The following RRAGD variants were observed in gnomAD, a reference collection of about 807,000 sequenced individuals.
RRAGD encodes Ras related GTP binding D.
Under a neutral mutation model 35.5 loss-of-function variants are expected in RRAGD, and 12 were observed. That is an observed-to-expected ratio of 0.34 (90% CI 0.22 to 0.55). RRAGD has a LOEUF of 0.55. Among genes scored for constraint, RRAGD ranks in the 20% least tolerant of loss-of-function variants. The pLI is 0.91. For synonymous variants in RRAGD, 155 were observed against 178.9 expected, an observed-to-expected ratio of 0.87 and a Z score of 1.07; for missense variants, 324 against 490.1, an observed-to-expected ratio of 0.66 and a Z score of 3.20.
At chr6:89,387,155 G>T (rs1582513157) in intron 2 of RRAGD, 140 bp downstream of exon 2, 3 of 817,748 alleles carry the variant, frequency 3.7e-6, no homozygotes, top group South Asian at 1.8e-5. Context: ...TTTTAACTTT[G>T]GCAAAGTCTG....
At chr6:89,384,248 A>C (rs545711047) in intron 2 of RRAGD, among the ~76,000 whole-genome samples, 1 of 152,352 alleles carries the variant, frequency 6.6e-6, no homozygotes, top group South Asian at 2.1e-4. Context: ...CCAACAGAAA[A>C]GTATATTAGG....
chr6:89,385,898 C>G (rs1349184613), intron 2 of RRAGD, among the ~76,000 whole-genome samples: 3 of 152,214 alleles, frequency 2.0e-5, no homozygotes, highest in African/African-American at 7.2e-5. Flanking sequence ...ACGATCCTCT[C>G]AGGCATGGGG....
chr6:89,408,171 A>C (rs1193116725), intron 1 of RRAGD, among the ~76,000 whole-genome samples: 1 of 152,148 alleles, frequency 6.6e-6, no homozygotes, highest in Non-Finnish European at 1.5e-5. Flanking sequence ...GCAGAATTAC[A>C]AGAAAAGGGG....
rs59412936 is a variant in RRAGD at position 89,367,712 on chromosome 6, G to A, written c.*344C>T. On this transcript the variant is annotated 3_prime_UTR_variant, in exon 7 of 7. Coordinates refer to ENST00000369415, the MANE Select transcript of RRAGD (RefSeq NM_021244.5). Reference sequence around the variant, plus strand: ...TACAGAAAAAAAGCTTAGAAAAGTCGTTTTATCAAAGTTCAGTTCAATGAG... The same window carrying A: ...TACAGAAAAAAAGCTTAGAAAAGTCATTTTATCAAAGTTCAGTTCAATGAG... 0.024 allele frequency: 4,552 copies of A among 190,578 alleles called. 464 individuals carry two copies. In the East Asian group the frequency reaches 0.3, roughly 13 times the overall value. The allele number at this position is 190,578 out of a possible 1,614,324, so 11.8% of individuals were successfully genotyped here. A position where few individuals can be genotyped will look rare whatever the true frequency, so the allele number is the denominator to read the frequency against.
chr6:89,384,813 C>CAAA (rs34091216), intron 2 of RRAGD, among the ~76,000 whole-genome samples: 1 of 101,590 alleles, frequency 9.8e-6, no homozygotes, highest in Non-Finnish European at 2.1e-5. Context: ...GACTCCGTCT[C>CAAA]AAAAAAAAAA....
chr6:89,391,048 C>T (rs1443748259), intron 1 of RRAGD, among the ~76,000 whole-genome samples: 1 of 152,054 alleles, frequency 6.6e-6, no homozygotes, highest in Non-Finnish European at 1.5e-5. Context: ...GTAGAAACTG[C>T]CCAACACCCA....
At chr6:89,388,007 C>A (rs1203236464) in intron 1 of RRAGD, among the ~76,000 whole-genome samples, 6 of 152,136 alleles carry the variant, frequency 3.9e-5, no homozygotes, top group Non-Finnish European at 7.4e-5. Flanking sequence ...GAAGCCATCA[C>A]TAAAGAGATG....
chr6:89,383,020 T>C (rs1437400481), intron 2 of RRAGD, among the ~76,000 whole-genome samples: 1 of 152,224 alleles, frequency 6.6e-6, no homozygotes, highest in Non-Finnish European at 1.5e-5. Flanking sequence ...GTGACAGCAC[T>C]GCAGTGGTTG....
chr6:89,381,706 AGT>A (rs1227562664), intron 2 of RRAGD, among the ~76,000 whole-genome samples: 3 of 152,268 alleles, frequency 2.0e-5, no homozygotes, highest in Non-Finnish European at 4.4e-5. Context: ...TGTTATCTGT[AGT>A]ACATAACTAC....
At position 89,367,972 on chromosome 6, in the gene RRAGD, CCTT is replaced by C; in HGVS notation, c.*81_*83del. 2 of 1,256,874 alleles carry C rather than the reference CCTT, an allele frequency of 1.6e-6. No homozygotes were observed. Among genetic ancestry groups the C allele is most frequent in the Non-Finnish European group, 2.2e-6 (2 of 925,406 alleles). 77.9% of individuals were successfully genotyped at this position (1,256,874 alleles called of 1,614,324 possible). A position where few individuals can be genotyped will look rare whatever the true frequency, so the allele number is the denominator to read the frequency against. On this transcript the variant is annotated 3_prime_UTR_variant, in exon 7 of 7. Transcript: ENST00000369415. ...AAATCAATGGTATGTGTCCCAATCT[CCTT>C]CTTCCTCTTCCTTTAGTGCAACATG...
At position 89,382,329 on chromosome 6, in the gene RRAGD, C is replaced by T. The variant is rs191817778; in HGVS notation, c.445-1962G>A. On this transcript the variant is annotated intron_variant, in intron 2 of 6. Transcript: ENST00000369415. ...AGGAGCAGTGGCTTGTGCCTGTAAT[C>T]CCACCTACTGGAGAGGACTGCTTGA... is the stretch of plus-strand genomic sequence containing the variant. 1.5e-4 allele frequency among the ~76,000 whole-genome samples: 23 copies of T among 150,850 alleles called. No individual in the cohort carries two copies. The East Asian group carries it at 4.1e-3, about 27-fold the overall frequency.
At chr6:89,381,684 A>G (rs948197322) in intron 2 of RRAGD, among the ~76,000 whole-genome samples, 2 of 152,198 alleles carry the variant, frequency 1.3e-5, no homozygotes, top group Non-Finnish European at 2.9e-5. Context: ...AGTGAGATTC[A>G]CCTATGCTGA....
chr6:89,373,203 A>G (rs1478875027), intron 5 of RRAGD, among the ~76,000 whole-genome samples: 1 of 152,278 alleles, frequency 6.6e-6, no homozygotes, highest in African/African-American at 2.4e-5. Flanking sequence ...GATGCAGCAA[A>G]TATGGCAAAT....
intron 1 of RRAGD, among the ~76,000 whole-genome samples, chr6:89,398,205 G>A (rs1158080199): frequency 6.6e-6 from 1 of 152,152 alleles, no homozygotes; most frequent in African/African-American, 2.4e-5. Context: ...AGGTCAGAGG[G>A]AGGAAGAAGT....
intron 2 of RRAGD, among the ~76,000 whole-genome samples, chr6:89,382,388 C>T (rs1006766938): frequency 9.1e-6 from 1 of 109,466 alleles, no homozygotes; most frequent in African/African-American, 4.6e-5. Flanking sequence ...CAGTGAGACC[C>T]CTATCTCTAG....
At chr6:89,379,935 G>A (rs1769013418) in intron 3 of RRAGD, among the ~76,000 whole-genome samples, 1 of 152,134 alleles carries the variant, frequency 6.6e-6, no homozygotes, top group Admixed American at 6.5e-5. Flanking sequence ...TCATGTGAGG[G>A]GAGAACCTTA....
intron 1 of RRAGD, among the ~76,000 whole-genome samples, chr6:89,390,237 T>C (rs1769206557): frequency 6.6e-6 from 1 of 151,920 alleles, no homozygotes; most frequent in Admixed American, 6.5e-5. Flanking sequence ...AAAGACAACA[T>C]ACAGAATGGG....
chr6:89,391,513 C>T (rs1206613436), intron 1 of RRAGD, among the ~76,000 whole-genome samples: 21 of 152,218 alleles, frequency 1.4e-4, no homozygotes, highest in Non-Finnish European at 2.9e-5. Context: ...AAAATGTTAT[C>T]TATTGTATGA....
At chr6:89,381,904 T>C (rs1769049339) in intron 2 of RRAGD, among the ~76,000 whole-genome samples, 2 of 152,112 alleles carry the variant, frequency 1.3e-5, no homozygotes, top group Admixed American at 6.5e-5. Context: ...GTGCCTTGAC[T>C]GTACCTGGAA....
Sources: allele counts gnomAD v4.1 joint callset (sites outside exome capture counted in the v4.1 genomes callset), GRCh38; gene constraint gnomAD v4.1.1; transcripts MANE v1.5; gene names NCBI Gene and HGNC (gene_info 2026-07-23, HGNC 2026-07-21).